The following KCNS3 variants were observed in gnomAD, a reference collection of about 807,000 sequenced individuals.
The protein encoded by KCNS3 is potassium voltage-gated channel modifier subfamily S member 3.
KCNS3 carries 13 observed loss-of-function variants against 31.0 expected under a neutral mutation model. That is an observed-to-expected ratio of 0.42 (90% CI 0.27 to 0.67). The LOEUF is 0.67. Among genes scored for constraint, KCNS3 ranks in the 30% least tolerant of loss-of-function variants. The probability of loss-of-function intolerance (pLI) is 0.25; values close to 1 mark genes in which losing one functional copy is unlikely to be tolerated. For synonymous variants in KCNS3, 238 were observed against 241.5 expected (o/e 0.99, Z 0.13); for missense variants, 545 against 622.4 (o/e 0.88, Z 1.32).
In KCNS3 at chr2:17,884,932, G is replaced by GTTTT. The variant is rs55738585; in HGVS notation, c.-252+6141_-252+6144dup. ...AGCATATTGCTTGTCCTTCCCTGTT[G>GTTTT]TTTTTTTTTTTTTTTTTTCCTCACT... On this transcript the variant is annotated intron_variant, in intron 1 of 2. Coordinates refer to ENST00000304101, the MANE Select transcript of KCNS3 (RefSeq NM_002252.5). 1.4e-3 allele frequency among the ~76,000 whole-genome samples: 181 copies of GTTTT among 127,970 alleles called. 2 individuals are homozygous for GTTTT. The highest frequency in any genetic ancestry group is 6.2e-3 in the East Asian group (28 of 4,482). The allele number at this position is 127,970 out of a possible 152,430, so 84.0% of individuals were successfully genotyped here.
intron 1 of KCNS3, among the ~76,000 whole-genome samples, chr2:17,896,826 T>C (rs1662040095): frequency 6.6e-6 from 1 of 152,222 alleles, no homozygotes; most frequent in Non-Finnish European, 1.5e-5. Flanking sequence ...AGTTCTTTCC[T>C]ATGCTGGCTC....
intron 1 of KCNS3, among the ~76,000 whole-genome samples, chr2:17,892,701 T>A (rs1572481744): frequency 6.6e-6 from 1 of 152,278 alleles, no homozygotes; most frequent in South Asian, 2.1e-4. Flanking sequence ...GATTGTTGTC[T>A]CTTTTCTGGG....
intron 1 of KCNS3, among the ~76,000 whole-genome samples, chr2:17,899,836 T>C (rs1662126346): frequency 6.6e-6 from 1 of 152,208 alleles, no homozygotes; most frequent in Non-Finnish European, 1.5e-5. Flanking sequence ...TTTGTAGATG[T>C]TTTGTAGCTC....
chr2:17,907,409 G>A (rs1485739543), intron 1 of KCNS3, among the ~76,000 whole-genome samples: 19 of 152,186 alleles, frequency 1.2e-4, no homozygotes, highest in Admixed American at 8.5e-4. Flanking sequence ...TTGACTCTTT[G>A]TCCAATTTGC....
At chr2:17,903,931 C>T (rs953552821) in intron 1 of KCNS3, among the ~76,000 whole-genome samples, 5 of 152,082 alleles carry the variant, frequency 3.3e-5, no homozygotes, top group African/African-American at 1.2e-4. Flanking sequence ...CGTGCATGTG[C>T]CTTTATAGCA....
chr2:17,930,881 G>T (rs1662943684), intron 2 of KCNS3, 69 bp from the exon 3 acceptor site: 6 of 1,005,052 alleles, frequency 6.0e-6, no homozygotes. Context: ...CCTGGAAAGG[G>T]CAGATTAAAA....
At chr2:17,883,239 G>A (rs757995881) in intron 1 of KCNS3, among the ~76,000 whole-genome samples, 4 of 152,162 alleles carry the variant, frequency 2.6e-5, no homozygotes, top group Non-Finnish European at 4.4e-5. Flanking sequence ...CTCACCAAAG[G>A]TGACATAATG....
chr2:17,923,338 A>C (rs1662765139), intron 2 of KCNS3, among the ~76,000 whole-genome samples: 1 of 152,016 alleles, frequency 6.6e-6, no homozygotes, highest in Non-Finnish European at 1.5e-5. Flanking sequence ...TTGAGTTGTA[A>C]GAGTTCTTTA....
intron 1 of KCNS3, among the ~76,000 whole-genome samples, chr2:17,883,795 A>G (rs1249285746): frequency 1.3e-5 from 2 of 152,102 alleles, no homozygotes; most frequent in Non-Finnish European, 2.9e-5. Context: ...TGCTATAAAG[A>G]CACCTGCACA....
At chr2:17,888,631 A>ATCTC (rs1661755677) in intron 1 of KCNS3, among the ~76,000 whole-genome samples, 3 of 30,448 alleles carry the variant, frequency 9.9e-5, no homozygotes, top group Non-Finnish European at 2.3e-4. Flanking sequence ...AAAAAAATGT[A>ATCTC]TATATATATA....
At chr2:17,894,260 T>A (rs1661934422) in intron 1 of KCNS3, among the ~76,000 whole-genome samples, 1 of 151,946 alleles carries the variant, frequency 6.6e-6, no homozygotes, top group Admixed American at 6.6e-5. Flanking sequence ...TGGTTTTGAG[T>A]ACCAGGACCG....
chr2:17,902,182 A>C (rs1378894295), intron 1 of KCNS3, among the ~76,000 whole-genome samples: 1 of 152,200 alleles, frequency 6.6e-6, no homozygotes, highest in Admixed American at 6.5e-5. Flanking sequence ...CAGATTGGGA[A>C]GTGTCCTTTC....
intron 2 of KCNS3, among the ~76,000 whole-genome samples, chr2:17,923,688 A>G (rs1662772863): frequency 2.6e-5 from 4 of 151,792 alleles, no homozygotes; most frequent in Admixed American, 2.6e-4. Context: ...ATTTTTTTGC[A>G]TGTGGCTATC....
intron 1 of KCNS3, among the ~76,000 whole-genome samples, chr2:17,891,573 T>A (rs1441359674): frequency 6.6e-6 from 1 of 152,208 alleles, no homozygotes; most frequent in Non-Finnish European, 1.5e-5. Context: ...TTCCAGGATT[T>A]GTTTCAAGAT....
chr2:17,905,626 A>G (rs1234002869), intron 1 of KCNS3, among the ~76,000 whole-genome samples: 6 of 152,330 alleles, frequency 3.9e-5, no homozygotes, highest in Non-Finnish European at 7.3e-5. Context: ...TTATTTTGAG[A>G]TACATCTCAT....
chr2:17,915,329 A>G (rs1662563920), intron 1 of KCNS3, among the ~76,000 whole-genome samples: 1 of 152,204 alleles, frequency 6.6e-6, no homozygotes, highest in African/African-American at 2.4e-5. Flanking sequence ...TCGGGCTGGT[A>G]GGAACATAGA....
At position 17,931,129 on chromosome 2, in the gene KCNS3, C is replaced by T; in HGVS notation, c.121C>T (p.Leu41=). The change falls in exon 3 of 3, where the codon CTG becomes TTG. Residue 41 remains leucine, a synonymous_variant. Transcript: ENST00000304101. The surrounding 1 kb of genome is among the most constrained non-coding windows in gnomAD (Gnocchi z 5.4). ...STLLRFPHTR[L]GKLLTCHSEE... ...CCTCCTGCGGTTTCCTCACACCAGA[C>T]TGGGGAAGCTGCTTACTTGCCATTC... 6.2e-7 allele frequency: 1 copy of T among 1,614,204 alleles called. No individual in the cohort carries two copies. Among genetic ancestry groups the T allele is most frequent in the Non-Finnish European group, 8.5e-7 (1 of 1,180,032 alleles).
Position 17,931,434 on chromosome 2 carries a change from C to T in KCNS3, c.426C>T (p.Thr142=), listed in dbSNP as rs774188189. 3.4e-5 allele frequency: 55 copies of T among 1,613,968 alleles called. No individual in the cohort carries two copies. Among genetic ancestry groups the T allele is most frequent in the Admixed American group, 8.3e-5 (5 of 59,992 alleles). Residue 142 remains threonine, a synonymous_variant, in exon 3 of 3, where the codon ACC becomes ACT. Coordinates refer to ENST00000304101, the MANE Select transcript of KCNS3 (RefSeq NM_002252.5). The surrounding 1 kb of genome is among the most constrained non-coding windows in gnomAD (Gnocchi z 5.4). ...DWDQKSHDVS[T]DSSFEESSLF... ...ACCAGAAAAGCCATGATGTGAGTAC[C>T]GACTCCTCGTTTGAAGAGTCGTCTC...
chr2:17,881,432 A>G (rs1674640836), intron 1 of KCNS3, among the ~76,000 whole-genome samples: 1 of 152,234 alleles, frequency 6.6e-6, no homozygotes, highest in South Asian at 2.1e-4. Context: ...TTGACATGTC[A>G]TTTTGCTAAT....
Sources: gnomAD v4.1 joint callset for allele counts (sites outside exome capture counted in the v4.1 genomes callset) on GRCh38, gnomAD v4.1.1 for gene constraint, Gnocchi (gnomAD v3.1) non-coding constraint, MANE v1.5 for transcripts, NCBI Gene and HGNC (gene_info 2026-07-23, HGNC 2026-07-21) for gene names.